LIPA: variants seen among roughly 807,000 people sequenced by gnomAD.
LIPA encodes lysosomal acid lipase/cholesteryl ester hydrolase.
LIPA carries 26 observed loss-of-function variants against 40.6 expected under a neutral mutation model. That is an observed-to-expected ratio of 0.64 (90% CI 0.47 to 0.89). The LOEUF (loss-of-function observed/expected upper bound fraction) is 0.89, where lower values mean the gene tolerates loss of function less well. LIPA is among the 40% of genes least tolerant of loss of function. LIPA has a pLI of 0.00. For synonymous variants in LIPA, 188 were observed against 168.4 expected, an observed-to-expected ratio of 1.12 and a Z score of -0.90; for missense variants, 455 against 479.6, an observed-to-expected ratio of 0.95 and a Z score of 0.48.
At chr10:89,290,481 T>C (rs1476443730) in intron 1 of LIPA, among the ~76,000 whole-genome samples, 1 of 151,582 alleles carries the variant, frequency 6.6e-6, no homozygotes, top group Non-Finnish European at 1.5e-5. Context: ...TTTTTCTTAT[T>C]AATATAAGAA....
intron 8 of LIPA, among the ~76,000 whole-genome samples, chr10:89,218,081 T>C (rs1004661631): frequency 2.0e-5 from 3 of 152,218 alleles, no homozygotes; most frequent in African/African-American, 7.2e-5. Context: ...AGAGTATATG[T>C]AGATAATGAT....
chr10:89,382,244 CT>C (rs1310672232), intron 2 of LIPA, among the ~76,000 whole-genome samples: 2 of 152,032 alleles, frequency 1.3e-5, no homozygotes, highest in African/African-American at 4.8e-5. Context: ...CATAATGGTC[CT>C]CTCTGAAATC....
intron 2 of LIPA, among the ~76,000 whole-genome samples, chr10:89,369,053 G>A (rs928924983): frequency 6.6e-6 from 1 of 152,094 alleles, no homozygotes; most frequent in African/African-American, 2.4e-5. Flanking sequence ...TATTCATTAA[G>A]CTCAATGTCA....
chr10:89,412,350 CAAAATGGACCAATCAGCACTCTGT>C (rs1370769450), intron 2 of LIPA, among the ~76,000 whole-genome samples: 45 of 152,114 alleles, frequency 3.0e-4, no homozygotes, highest in South Asian at 1.3e-3. Flanking sequence ...AGCACTCTGT[CAAAATGGACCAATCAGCACTCTGT>C]AAAATGGACC....
upstream of LIPA, among the ~76,000 whole-genome samples, chr10:89,252,960 A>C (rs755081967): frequency 1.2e-4 from 19 of 152,226 alleles, no homozygotes; most frequent in Non-Finnish European, 2.1e-4. Flanking sequence ...GCAGGTACAA[A>C]GGCCCTGTGG....
At chr10:89,306,781 A>G (rs1227492110) in intron 1 of LIPA, 1 of 1,614,156 alleles carries the variant, frequency 6.2e-7, no homozygotes, top group Non-Finnish European at 8.5e-7. Flanking sequence ...AGGCTTTAGA[A>G]TACATACCAA....
chr10:89,304,278 G>A (rs527652009), intron 1 of LIPA, among the ~76,000 whole-genome samples: 7 of 133,664 alleles, frequency 5.2e-5, no homozygotes, highest in Admixed American at 2.8e-4. Flanking sequence ...CGGGAGCCCC[G>A]GAGAGTGCTT....
upstream of LIPA, among the ~76,000 whole-genome samples, chr10:89,345,290 AGG>A (rs1483559712): frequency 1.9e-3 from 284 of 151,902 alleles, 1 homozygote; most frequent in Middle Eastern, 0.02. Context: ...GCACTTTGGG[AGG>A]CTGAGGTGAG....
At chr10:89,347,122 C>A (rs1843928618), upstream of LIPA, among the ~76,000 whole-genome samples, 1 of 152,174 alleles carries the variant, frequency 6.6e-6, no homozygotes, top group Admixed American at 6.5e-5. Context: ...CTTATTATAA[C>A]AAAAGTATAC....
At chr10:89,362,003 ATCC>A (rs1205414839) in intron 2 of LIPA, among the ~76,000 whole-genome samples, 1 of 146,128 alleles carries the variant, frequency 6.8e-6, no homozygotes, top group Admixed American at 7.2e-5. Context: ...GGCTCAAGCA[ATCC>A]TCCTACCTCA....
At chr10:89,320,443 A>T (rs1279078916) in intron 1 of LIPA, among the ~76,000 whole-genome samples, 2 of 152,210 alleles carry the variant, frequency 1.3e-5, no homozygotes, top group Non-Finnish European at 2.9e-5. Context: ...CAGAGAGCCA[A>T]ATCATGAGTG....
At chr10:89,242,893 C>A (rs537333915) in intron 3 of LIPA, among the ~76,000 whole-genome samples, 11 of 152,204 alleles carry the variant, frequency 7.2e-5, no homozygotes, top group Non-Finnish European at 1.3e-4. Flanking sequence ...TTATTTCAGG[C>A]GCCCAGTTAA....
chr10:89,216,166 G>A (rs1842623889), intron 8 of LIPA, among the ~76,000 whole-genome samples, 157 bp from the exon 9 acceptor site: 1 of 151,948 alleles, frequency 6.6e-6, no homozygotes, highest in African/African-American at 2.4e-5. Context: ...GAGATGGCAT[G>A]GTTTTGTCCT....
chr10:89,279,840 C>T (rs1246919183), intron 1 of LIPA, among the ~76,000 whole-genome samples: 1 of 151,954 alleles, frequency 6.6e-6, no homozygotes, highest in East Asian at 1.9e-4. Flanking sequence ...AAAAATGGGG[C>T]CAGGATTTAA....
chr10:89,308,905 T>G (rs1342934498), intron 1 of LIPA: 4 of 152,330 alleles, frequency 2.6e-5, no homozygotes, highest in African/African-American at 9.6e-5. Flanking sequence ...ATAAATAACC[T>G]AAATATGATA....
intron 2 of LIPA, among the ~76,000 whole-genome samples, chr10:89,390,295 C>G (rs935334624): frequency 1.3e-5 from 2 of 152,128 alleles, no homozygotes; most frequent in African/African-American, 4.8e-5. Context: ...CTGAAGATTT[C>G]TTTTTAATAC....
intron 1 of LIPA, among the ~76,000 whole-genome samples, chr10:89,311,015 T>TTG (rs1163699656): frequency 6.6e-6 from 1 of 152,226 alleles, no homozygotes; most frequent in East Asian, 1.9e-4. Flanking sequence ...CCCAGTGTGT[T>TTG]TATACAGATA....
chr10:89,215,391 G>C (rs1842612525), intron 9 of LIPA, among the ~76,000 whole-genome samples: 1 of 152,162 alleles, frequency 6.6e-6, no homozygotes, highest in Admixed American at 6.5e-5. Flanking sequence ...GAAAGAGTTT[G>C]GGGTCATGCC....
Position 89,306,180 on chromosome 10 carries a change from G to A in LIPA, c.-2+36431C>T, listed in dbSNP as rs754801512. On this transcript the variant is annotated intron_variant, in intron 1 of 5. Transcript: ENST00000282673. ...AACGAGGCAGCCCTGGAATGCTTAC[G>A]TAAAGCTGAAGAGTTAATCCAGCAA... is the stretch of plus-strand genomic sequence containing the variant. The A allele has an allele frequency of 9.3e-6, 15 of 1,614,012 alleles. No individual in the cohort carries two copies. Among genetic ancestry groups the A allele is most frequent in the Middle Eastern group, 3.3e-4 (2 of 6,084 alleles).
Sources: allele counts gnomAD v4.1 joint callset (sites outside exome capture counted in the v4.1 genomes callset), GRCh38; gene constraint gnomAD v4.1.1; transcripts MANE v1.5; gene names NCBI Gene and HGNC (gene_info 2026-07-23, HGNC 2026-07-21).